The following KLHL1 variants were observed in gnomAD, a reference collection of about 807,000 sequenced individuals.
The protein encoded by KLHL1 is kelch like family member 1.
A neutral mutation model predicts 77.7 loss-of-function variants in KLHL1; 47 were observed. The observed-to-expected ratio is 0.60, with a 90% CI of 0.48 to 0.77. The LOEUF (loss-of-function observed/expected upper bound fraction) is 0.77, where lower values mean the gene tolerates loss of function less well. Among genes scored for constraint, KLHL1 ranks in the 30% least tolerant of loss-of-function variants. KLHL1 has a pLI of 0.00. For missense variants in KLHL1, 925 were observed against 910.8 expected, an observed-to-expected ratio of 1.02 and a Z score of -0.20; for synonymous variants, 360 against 325.2, an observed-to-expected ratio of 1.11 and a Z score of -1.15.
In KLHL1 at chr13:69,928,263, C is replaced by G. The variant is rs115212086; in HGVS notation, c.1014+11777G>C. On this transcript the variant is annotated intron_variant, in intron 4 of 10. Transcript: ENST00000377844. Reference sequence around the variant, plus strand: ...GTTTCTTCATCTCCTTGTTCCATAACTTCACCTTGCAGTTTCCCGCCAATT... The same window carrying G: ...GTTTCTTCATCTCCTTGTTCCATAAGTTCACCTTGCAGTTTCCCGCCAATT... Among the ~76,000 whole-genome samples the G allele has an allele frequency of 2.2e-3, 336 of 152,322 alleles. 2 individuals carry two copies. Among genetic ancestry groups the G allele is most frequent in the African/African-American group, 7.8e-3 (326 of 41,572 alleles).
Position 69,740,533 on chromosome 13 carries a change from T to C in KLHL1, c.1663A>G (p.Ile555Val), listed in dbSNP as rs975670094. The change falls in exon 8 of 11, where the codon ATT (isoleucine) becomes GTT (valine). Residue 555 changes from isoleucine (I) to valine (V), a missense_variant. By Grantham distance (29) the Ile-to-Val change is conservative. Transcript: ENST00000377844. ...GLGVTVLEGPIYAVGGHDGWS... is the reference protein window; with the variant it reads ...GLGVTVLEGPVYAVGGHDGWS... ...CCATCATGGCCTCCCACAGCATAAA[T>C]AGGGCCTTCAAGTACTGTTACACCT... The C allele has an allele frequency of 1.2e-6, 2 of 1,611,926 alleles. No homozygotes were observed. The highest frequency in any genetic ancestry group is 2.7e-5 in the African/African-American group (2 of 75,010).
intron 4 of KLHL1, among the ~76,000 whole-genome samples, chr13:69,902,649 C>T (rs543818355): frequency 5.3e-5 from 8 of 151,392 alleles, no homozygotes; most frequent in African/African-American, 9.7e-5. Flanking sequence ...AGCAAACTAT[C>T]GCAAGGACAA....
intron 3 of KLHL1, among the ~76,000 whole-genome samples, chr13:69,948,468 G>A (rs1393412841): frequency 6.6e-6 from 1 of 151,918 alleles, no homozygotes; most frequent in African/African-American, 2.4e-5. Flanking sequence ...TAAAATTGGA[G>A]TCACCCTCCT....
chr13:69,903,973 T>C (rs563434415), intron 4 of KLHL1, among the ~76,000 whole-genome samples: 1 of 151,974 alleles, frequency 6.6e-6, no homozygotes, highest in South Asian at 2.1e-4. Context: ...TTTATGTTCA[T>C]TGAAGAAATG....
intron 1 of KLHL1, among the ~76,000 whole-genome samples, chr13:70,001,962 A>C (rs1885302865): frequency 6.6e-6 from 1 of 151,628 alleles, no homozygotes; most frequent in Admixed American, 6.6e-5. Context: ...GACCAGAAAG[A>C]CCATATCTTA....
intron 6 of KLHL1, among the ~76,000 whole-genome samples, chr13:69,835,527 A>C (rs1215403787): frequency 6.6e-6 from 1 of 152,066 alleles, no homozygotes; most frequent in African/African-American, 2.4e-5. Flanking sequence ...ATTAAGCCTG[A>C]ATGGTTAAAG....
At chr13:69,802,515 C>T (rs918062718) in intron 6 of KLHL1, among the ~76,000 whole-genome samples, 7 of 152,030 alleles carry the variant, frequency 4.6e-5, no homozygotes, top group Non-Finnish European at 8.8e-5. Context: ...AAATGCAATC[C>T]ACAAGCAGAC....
intron 7 of KLHL1, among the ~76,000 whole-genome samples, chr13:69,755,108 T>C (rs1874649678): frequency 6.6e-6 from 1 of 152,022 alleles, no homozygotes. Flanking sequence ...TGGGAAGTGA[T>C]TGGGTCATGG....
chr13:69,800,747 CTGTA>C (rs1011904303), intron 6 of KLHL1, among the ~76,000 whole-genome samples: 2 of 151,958 alleles, frequency 1.3e-5, no homozygotes, highest in African/African-American at 4.8e-5. Context: ...GTTTCTAAGA[CTGTA>C]TGTATTTCCC....
At chr13:69,894,162 CTA>C (rs751856928) in intron 4 of KLHL1, 1 of 152,490 alleles carries the variant, frequency 6.6e-6, no homozygotes, top group Non-Finnish European at 1.5e-5. Context: ...TACTTTTATT[CTA>C]TGTTCTCTTA....
At chr13:69,703,652 T>C (rs2137866537) in intron 10 of KLHL1, among the ~76,000 whole-genome samples, 1 of 151,790 alleles carries the variant, frequency 6.6e-6, no homozygotes, top group South Asian at 2.1e-4. Flanking sequence ...TTCATTCAGG[T>C]TAAATAAAAG....
At chr13:69,944,191 G>A (rs1194956510) in intron 3 of KLHL1, among the ~76,000 whole-genome samples, 4 of 152,034 alleles carry the variant, frequency 2.6e-5, no homozygotes, top group African/African-American at 9.7e-5. Context: ...TTCCCTTCTG[G>A]GAGTCTGAAA....
chr13:69,715,284 G>T (rs2137886447), intron 9 of KLHL1, among the ~76,000 whole-genome samples: 1 of 152,184 alleles, frequency 6.6e-6, no homozygotes, highest in South Asian at 2.1e-4. Flanking sequence ...GGGGGTGATT[G>T]GATAATGGGG....
intron 5 of KLHL1, among the ~76,000 whole-genome samples, chr13:69,851,738 C>T (rs1225559622): frequency 6.6e-6 from 1 of 151,660 alleles, no homozygotes; most frequent in Non-Finnish European, 1.5e-5. Context: ...CTTTCCTGTC[C>T]CAGACAAGCT....
intron 3 of KLHL1, among the ~76,000 whole-genome samples, chr13:69,951,374 G>A (rs756614934): frequency 6.6e-6 from 1 of 151,412 alleles, no homozygotes; most frequent in East Asian, 1.9e-4. Flanking sequence ...AAAGTGGTAA[G>A]TATAAAAGAA....
chr13:69,789,274 C>G lies in KLHL1; in HGVS notation c.1639+7464G>C, dbSNP rs184052115. 8.5e-4 allele frequency among the ~76,000 whole-genome samples: 129 copies of G among 151,538 alleles called. 1 individual carries two copies. Among genetic ancestry groups the G allele is most frequent in the African/African-American group, 3.0e-3 (125 of 41,278 alleles). On this transcript the variant is annotated intron_variant, in intron 7 of 10. Transcript: ENST00000377844. Reference sequence around the variant, plus strand: ...TACTTTTTTAAATTATTTTACATGTCTGTCTGTCTTTTATTTTGTATGGGT... The same window carrying G: ...TACTTTTTTAAATTATTTTACATGTGTGTCTGTCTTTTATTTTGTATGGGT...
At chr13:69,895,101 T>C in intron 4 of KLHL1, 1 of 466,934 alleles carries the variant, frequency 2.1e-6, no homozygotes, top group South Asian at 1.7e-5. Flanking sequence ...TCTTCTTGCT[T>C]TTCTTCTAAT....
intron 2 of KLHL1, among the ~76,000 whole-genome samples, chr13:69,962,514 T>C (rs1015436185): frequency 6.6e-6 from 1 of 152,082 alleles, no homozygotes; most frequent in African/African-American, 2.4e-5. Flanking sequence ...TGTTTTTTTC[T>C]ATATTAAGAG....
intron 1 of KLHL1, among the ~76,000 whole-genome samples, chr13:70,051,326 GA>G (rs1886624492): frequency 6.6e-6 from 1 of 151,990 alleles, no homozygotes. Context: ...CTTTGCACAT[GA>G]AAATGAATGG....
Sources: gnomAD v4.1 joint callset for allele counts (sites outside exome capture counted in the v4.1 genomes callset) on GRCh38, gnomAD v4.1.1 for gene constraint, MANE v1.5 for transcripts, NCBI Gene and HGNC (gene_info 2026-07-23, HGNC 2026-07-21) for gene names.